Variants in KAZN observed in about 807,000 individuals in gnomAD.
KAZN encodes the protein kazrin, periplakin interacting protein.
In KAZN, 40 loss-of-function variants were observed where a neutral mutation model predicts 87.4. That is an observed-to-expected ratio of 0.46 (90% CI 0.36 to 0.60). The LOEUF is 0.60. KAZN is among the 20% of genes least tolerant of loss of function. KAZN has a pLI of 0.00. For missense variants in KAZN, 898 were observed against 1,073.9 expected (o/e 0.84, Z 2.29); for synonymous variants, 466 against 458.3 (o/e 1.02, Z -0.22).
chr1:14,170,605 GTGT>G (rs1477535460), intron 1 of KAZN, among the ~76,000 whole-genome samples: 1 of 152,224 alleles, frequency 6.6e-6, no homozygotes, highest in Non-Finnish European at 1.5e-5. Flanking sequence ...TACCTTCACA[GTGT>G]TGTATAACCA....
intron 2 of KAZN, among the ~76,000 whole-genome samples, chr1:14,469,739 C>A (rs891914849): frequency 6.6e-6 from 1 of 152,152 alleles, no homozygotes. Context: ...GGAAAAGAGG[C>A]CACGATGTCA....
intron 8 of KAZN, among the ~76,000 whole-genome samples, chr1:15,088,250 G>A (rs1270529595): frequency 9.9e-5 from 15 of 152,216 alleles, no homozygotes; most frequent in Non-Finnish European, 2.9e-5. Flanking sequence ...TAGGAGGGAG[G>A]GCTGGATTCG....
rs1413300237 is a variant in KAZN, at chr1:14,915,390, C to T, written c.227-45294C>T. Among the ~76,000 whole-genome samples the T allele has an allele frequency of 3.0e-4, 46 of 152,128 alleles. 2 individuals carry two copies. Among genetic ancestry groups the T allele is most frequent in the Admixed American group, 2.9e-3 (45 of 15,268 alleles). ...GTAACTGTTATTCTTTTCTTGGGCC[C>T]CTTGCTGGCCCCTGGCCCTCTGTGT... On this transcript the variant is annotated intron_variant, in intron 1 of 14. Coordinates refer to ENST00000376030, the MANE Select transcript of KAZN (RefSeq NM_201628.3).
At chr1:14,329,616 T>C (rs537921443) in intron 2 of KAZN, among the ~76,000 whole-genome samples, 1 of 152,244 alleles carries the variant, frequency 6.6e-6, no homozygotes, top group African/African-American at 2.4e-5. Flanking sequence ...AAAGACCATG[T>C]TGGTTCCTCT....
intron 2 of KAZN, among the ~76,000 whole-genome samples, chr1:14,407,992 C>T (rs1664003838): frequency 6.6e-6 from 1 of 152,204 alleles, no homozygotes; most frequent in African/African-American, 2.4e-5. Context: ...TTTATCACAT[C>T]CATGGGGAAC....
At chr1:14,167,653 G>A (rs1200619859) in intron 1 of KAZN, among the ~76,000 whole-genome samples, 3 of 152,118 alleles carry the variant, frequency 2.0e-5, no homozygotes, top group Admixed American at 6.5e-5. Context: ...CACCCTGGGG[G>A]TGGAGGTTGC....
intron 1 of KAZN, among the ~76,000 whole-genome samples, chr1:14,781,512 T>C (rs1030422294): frequency 1.3e-5 from 2 of 152,188 alleles, no homozygotes; most frequent in African/African-American, 2.4e-5. Flanking sequence ...CCTTTACAAA[T>C]GCAAACTGAA....
At chr1:14,573,659 A>T (rs993915231) in intron 2 of KAZN, among the ~76,000 whole-genome samples, 2 of 152,190 alleles carry the variant, frequency 1.3e-5, no homozygotes, top group Admixed American at 6.5e-5. Flanking sequence ...AAAATTTTTT[A>T]AAAAAGAAAG....
chr1:13,912,345 T>A (rs76772560), intron 1 of KAZN, among the ~76,000 whole-genome samples: 1 of 152,296 alleles, frequency 6.6e-6, no homozygotes, highest in East Asian at 1.9e-4. Context: ...TTGTCCAATC[T>A]ACTTGTGGGC....
At chr1:14,446,607 C>T (rs1666997183) in intron 2 of KAZN, among the ~76,000 whole-genome samples, 1 of 152,196 alleles carries the variant, frequency 6.6e-6, no homozygotes, top group South Asian at 2.1e-4. Context: ...ACCTATCTCA[C>T]TCGAGGTACC....
At chr1:15,050,088 G>A (rs182118850) in intron 4 of KAZN, among the ~76,000 whole-genome samples, 2 of 87,510 alleles carry the variant, frequency 2.3e-5, no homozygotes, top group Admixed American at 2.3e-4. Flanking sequence ...GAGTACAGTA[G>A]AGTACAGTAG....
chr1:14,487,783 G>A (rs922204112), intron 2 of KAZN, among the ~76,000 whole-genome samples: 4 of 152,194 alleles, frequency 2.6e-5, no homozygotes, highest in Admixed American at 1.3e-4. Flanking sequence ...TGAGGGGTGA[G>A]CCTGGACAAC....
Position 14,176,886 on chromosome 1 carries a change from G to A in KAZN, c.92-3549G>A, listed in dbSNP as rs368870775. On this transcript the variant is annotated intron_variant, in intron 1 of 16. Transcript: ENST00000636203. ...ATAAGATCTAAAACTTAGGTTGTTCGCAGTGGCTCATGCCTATAGTCCCAG... is the reference window on the plus strand; with the variant it reads ...ATAAGATCTAAAACTTAGGTTGTTCACAGTGGCTCATGCCTATAGTCCCAG... Among the ~76,000 whole-genome samples, 85 of 152,184 alleles carry A rather than the reference G, an allele frequency of 5.6e-4. 1 individual carries two copies. In the South Asian group the frequency reaches 0.016, roughly 29 times the overall value.
intron 1 of KAZN, among the ~76,000 whole-genome samples, chr1:14,842,284 T>C (rs1046559650): frequency 1.3e-5 from 2 of 152,246 alleles, no homozygotes; most frequent in African/African-American, 4.8e-5. Flanking sequence ...ATGAATGGCC[T>C]GGTCTGTTTT....
rs1643896829 is a variant in KAZN at position 14,736,257 on chromosome 1, GTGTGTGTGTGTGTGT to G, written c.226+137035_226+137049del. ...TGGGGCTCATGTGGGACTCAAGGGTGTGTGTGTGTGTGTGTGTGTGTGTGTGTGTGTGTGTGTGTG... is the reference window on the plus strand; with the variant it reads ...TGGGGCTCATGTGGGACTCAAGGGTGGTGTGTGTGTGTGTGTGTGTGTGTG... On this transcript the variant is annotated intron_variant, in intron 1 of 14. Transcript: ENST00000376030. Among the ~76,000 whole-genome samples, 8 of 99,592 alleles carry G rather than the reference GTGTGTGTGTGTGTGT, an allele frequency of 8.0e-5. No individual in the cohort carries two copies. The South Asian group carries it at 1.5e-3, about 18-fold the overall frequency. The allele number at this position is 99,592 out of a possible 152,430, so 65.3% of individuals were successfully genotyped here.
At chr1:14,812,804 A>G (rs1056923813) in intron 1 of KAZN, among the ~76,000 whole-genome samples, 2 of 152,202 alleles carry the variant, frequency 1.3e-5, no homozygotes, top group African/African-American at 4.8e-5. Flanking sequence ...GTGAGCCACC[A>G]TGCCCAGACT....
chr1:14,783,228 G>A (rs1486966890), intron 1 of KAZN, among the ~76,000 whole-genome samples: 2 of 152,076 alleles, frequency 1.3e-5, no homozygotes, highest in Admixed American at 6.6e-5. Context: ...ACCTGTCTGG[G>A]GAGAGATCAG....
intron 1 of KAZN, among the ~76,000 whole-genome samples, chr1:13,901,536 T>C (rs780879651): frequency 1.3e-5 from 2 of 152,196 alleles, no homozygotes; most frequent in Admixed American, 6.5e-5. Context: ...CCAATGTTCC[T>C]ATTAAGCCCT....
At chr1:15,012,647 C>T (rs765646467) in intron 2 of KAZN, among the ~76,000 whole-genome samples, 3 of 152,166 alleles carry the variant, frequency 2.0e-5, no homozygotes, top group Non-Finnish European at 2.9e-5. Context: ...CATGGCCCGG[C>T]GTGGTTGCTC....
Sources: gnomAD v4.1 joint callset for allele counts (sites outside exome capture counted in the v4.1 genomes callset) on GRCh38, gnomAD v4.1.1 for gene constraint, MANE v1.5 for transcripts, NCBI Gene and HGNC (gene_info 2026-07-23, HGNC 2026-07-21) for gene names.